The following DLGAP1 variants were observed in gnomAD, a reference collection of about 807,000 sequenced individuals.
The protein encoded by DLGAP1 is DLG associated protein 1.
Under a neutral mutation model 90.8 loss-of-function variants are expected in DLGAP1, and 11 were observed. That is an observed-to-expected ratio of 0.12 (90% CI 0.08 to 0.20). The LOEUF is 0.20. DLGAP1 is among the 10% of genes least tolerant of loss of function. The probability of loss-of-function intolerance (pLI) is 1.00; values close to 1 mark genes in which losing one functional copy is unlikely to be tolerated. For missense variants in DLGAP1, 1,050 were observed against 1,333.8 expected, an observed-to-expected ratio of 0.79 and a Z score of 3.31; for synonymous variants, 558 against 540.7, an observed-to-expected ratio of 1.03 and a Z score of -0.44.
At chr18:4,408,731 AAAGT>A (rs72417928) in intron 1 of DLGAP1, among the ~76,000 whole-genome samples, 9,433 of 152,224 alleles carry the variant, frequency 0.062, 935 homozygotes, top group African/African-American at 0.22. Context: ...AATAAAAATT[AAAGT>A]AATAACATAT....
chr18:4,023,875 AT>A (rs199866003), intron 2 of DLGAP1, among the ~76,000 whole-genome samples: 27 of 150,046 alleles, frequency 1.8e-4, no homozygotes, highest in Admixed American at 5.3e-4. Context: ...AATAAAAAAA[AT>A]TTTGGTTTCT....
At chr18:3,934,403 C>G (rs976182070) in intron 3 of DLGAP1, among the ~76,000 whole-genome samples, 2 of 152,076 alleles carry the variant, frequency 1.3e-5, no homozygotes, top group Non-Finnish European at 2.9e-5. Flanking sequence ...TCCACTCACT[C>G]AACAAATGTT....
chr18:3,778,921 G>A lies in DLGAP1; in HGVS notation c.1172+35138C>T, dbSNP rs556524879. On this transcript the variant is annotated intron_variant, in intron 5 of 12. Transcript: ENST00000315677. ...CCTGCAGCCTTGTAAGTCACGTGGC[G>A]TTTATACAGGGAACTGCAGAGGCAT... Among the ~76,000 whole-genome samples, 24 of 152,190 alleles carry A rather than the reference G, an allele frequency of 1.6e-4. No individual in the cohort carries two copies. The South Asian group carries it at 3.1e-3, about 20-fold the overall frequency.
At chr18:4,115,250 C>A (rs1337747804) in intron 2 of DLGAP1, among the ~76,000 whole-genome samples, 2 of 151,702 alleles carry the variant, frequency 1.3e-5, no homozygotes, top group African/African-American at 2.4e-5. Flanking sequence ...CCTTTCCCCT[C>A]TTTTGGGTAC....
At chr18:3,804,898 G>A (rs984633718) in intron 5 of DLGAP1, among the ~76,000 whole-genome samples, 1 of 152,208 alleles carries the variant, frequency 6.6e-6, no homozygotes, top group African/African-American at 2.4e-5. Context: ...ATATTACCTT[G>A]AGAAATGTTA....
At chr18:4,246,744 G>A (rs1023813290) in intron 1 of DLGAP1, among the ~76,000 whole-genome samples, 5 of 152,180 alleles carry the variant, frequency 3.3e-5, no homozygotes, top group African/African-American at 1.2e-4. Context: ...AGGAAGAATG[G>A]CAAAAAACGT....
intron 1 of DLGAP1, among the ~76,000 whole-genome samples, chr18:4,212,794 A>G (rs1207448236): frequency 6.6e-6 from 1 of 152,164 alleles, no homozygotes; most frequent in Non-Finnish European, 1.5e-5. Context: ...TACACAGTAT[A>G]AAAATATCCC....
intron 2 of DLGAP1, among the ~76,000 whole-genome samples, chr18:4,065,077 C>A (rs2075352489): frequency 1.3e-5 from 2 of 152,008 alleles, no homozygotes; most frequent in African/African-American, 2.4e-5. Flanking sequence ...AAGACAAAAA[C>A]CACATGATTA....
At position 4,210,086 on chromosome 18, in the gene DLGAP1, G is replaced by A. The variant is rs188846467; in HGVS notation, c.-266-58799C>T. Among the ~76,000 whole-genome samples, 18 of 152,278 alleles carry A rather than the reference G, an allele frequency of 1.2e-4. No individual in the cohort carries two copies. The East Asian group carries it at 3.5e-3, about 29-fold the overall frequency. On this transcript the variant is annotated intron_variant, in intron 1 of 12. Transcript: ENST00000315677. ...CTTAGAAACTTCCCCTAACCACACA[G>A]AATGGGTGAATTACACCTTCCATTT...
intron 3 of DLGAP1, among the ~76,000 whole-genome samples, chr18:3,910,646 G>A (rs2072011639): frequency 6.6e-6 from 1 of 152,130 alleles, no homozygotes; most frequent in Non-Finnish European, 1.5e-5. Flanking sequence ...GGCAAAATTG[G>A]CGATTCGGAA....
intron 1 of DLGAP1, among the ~76,000 whole-genome samples, chr18:4,300,479 A>G (rs1202327718): frequency 6.6e-6 from 1 of 152,138 alleles, no homozygotes; most frequent in Non-Finnish European, 1.5e-5. Flanking sequence ...TCCAAACACA[A>G]TTACACGCCT....
intron 7 of DLGAP1, among the ~76,000 whole-genome samples, chr18:3,585,382 A>G (rs2055819176): frequency 6.6e-6 from 1 of 152,248 alleles, no homozygotes; most frequent in Admixed American, 6.5e-5. Flanking sequence ...ATTCAGCTGA[A>G]GACCCAGAGT....
At chr18:3,876,549 CT>C (rs1348653155) in intron 4 of DLGAP1, among the ~76,000 whole-genome samples, 1 of 152,160 alleles carries the variant, frequency 6.6e-6, no homozygotes, top group Non-Finnish European at 1.5e-5. Context: ...TGTTTTCAAC[CT>C]TTCAATAATT....
chr18:3,774,937 C>T (rs144847700), intron 5 of DLGAP1, among the ~76,000 whole-genome samples: 49 of 152,294 alleles, frequency 3.2e-4, no homozygotes, highest in Middle Eastern at 3.4e-3. Context: ...TCCTGCACTC[C>T]CTGCCTACTG....
intron 7 of DLGAP1, among the ~76,000 whole-genome samples, chr18:3,687,117 G>A (rs2060730063): frequency 6.6e-6 from 1 of 152,208 alleles, no homozygotes; most frequent in South Asian, 2.1e-4. Context: ...ATTCCAGAAG[G>A]AGCAGAGTCC....
intron 7 of DLGAP1, among the ~76,000 whole-genome samples, chr18:3,635,358 G>C (rs1264475446): frequency 6.6e-6 from 1 of 151,610 alleles, no homozygotes; most frequent in African/African-American, 2.4e-5. Context: ...GGATGGTCTC[G>C]ATCTCCTGAC....
chr18:4,240,976 T>A (rs2078522137), intron 1 of DLGAP1, among the ~76,000 whole-genome samples: 1 of 152,242 alleles, frequency 6.6e-6, no homozygotes, highest in South Asian at 2.1e-4. Context: ...TATCATTCAC[T>A]GTTACTTTAC....
At chr18:3,873,292 CT>C in intron 4 of DLGAP1, among the ~76,000 whole-genome samples, 1 of 152,070 alleles carries the variant, frequency 6.6e-6, no homozygotes, top group Middle Eastern at 3.2e-3. Flanking sequence ...GCAATCTCAT[CT>C]TTTTATGAAT....
intron 2 of DLGAP1, among the ~76,000 whole-genome samples, chr18:4,113,769 T>A (rs1051473039): frequency 6.6e-6 from 1 of 152,150 alleles, no homozygotes; most frequent in African/African-American, 2.4e-5. Flanking sequence ...CTATAATCCA[T>A]CTGGAATTAA....
Sources: gnomAD v4.1 joint callset for allele counts (sites outside exome capture counted in the v4.1 genomes callset) on GRCh38, gnomAD v4.1.1 for gene constraint, MANE v1.5 for transcripts, NCBI Gene and HGNC (gene_info 2026-07-23, HGNC 2026-07-21) for gene names.